The following PIAS2 variants were observed in gnomAD, a reference collection of about 807,000 sequenced individuals.
PIAS2 encodes E3 SUMO-protein ligase PIAS2.
In PIAS2, 19 loss-of-function variants were observed where a neutral mutation model predicts 69.7. The ratio of observed to expected loss-of-function variants is 0.27; its 90% CI spans 0.19 to 0.40. The LOEUF is 0.40. PIAS2 is among the 10% of genes least tolerant of loss of function. The pLI is 1.00. For missense variants in PIAS2, 624 were observed against 757.0 expected (o/e 0.82, Z 2.06); for synonymous variants, 261 against 263.2 (o/e 0.99, Z 0.08).
intron 1 of PIAS2, chr18:46,916,916 G>A: frequency 2.0e-6 from 2 of 985,542 alleles, no homozygotes; most frequent in African/African-American, 1.7e-5. Flanking sequence ...CACCAAGTGA[G>A]TAGCATGCAG....
Position 46,811,883 on chromosome 18 carries a change from A to C in PIAS2, c.*550T>G, listed in dbSNP as rs1277228115. On this transcript the variant is annotated 3_prime_UTR_variant, in exon 14 of 14. Transcript: ENST00000585916. Reference sequence around the variant, plus strand: ...CGAAGAAAAGTGGAAATGCAGGACGAAAAGTGGAATCCAAGCTTTGGCCAC... The same window carrying C: ...CGAAGAAAAGTGGAAATGCAGGACGCAAAGTGGAATCCAAGCTTTGGCCAC... 6.6e-6 allele frequency: 1 copy of C among 152,222 alleles called. No individual in the cohort carries two copies. Among genetic ancestry groups the C allele is most frequent in the African/African-American group, 2.4e-5 (1 of 41,448 alleles). The allele number at this position is 152,222 out of a possible 1,614,324, so 9.4% of individuals were successfully genotyped here.
chr18:46,855,997 G>C (rs797008860), intron 3 of PIAS2, among the ~76,000 whole-genome samples: 2 of 67,964 alleles, frequency 2.9e-5, no homozygotes, highest in African/African-American at 1.2e-4. Flanking sequence ...TTTTTCTTTT[G>C]TTTTTTTTTT....
Position 46,908,838 on chromosome 18 carries a change from G to A in PIAS2, c.24+8484C>T, listed in dbSNP as rs1459848814. Among the ~76,000 whole-genome samples the A allele has an allele frequency of 1.3e-5, 2 of 152,132 alleles. 1 individual carries two copies. ...AGCTTGACCAACATGGTGAAACCCC[G>A]TCTCTATTAAAAATACAAATATTAG... On this transcript the variant is annotated intron_variant, in intron 1 of 13. Transcript: ENST00000585916.
intron 5 of PIAS2, 60 bp downstream of exon 5, chr18:46,855,285 G>T: frequency 9.7e-7 from 1 of 1,030,364 alleles, no homozygotes; most frequent in Non-Finnish European, 1.5e-6. Flanking sequence ...ACTGTTTCTA[G>T]GCCTTGTCAG....
At chr18:46,893,715 G>C (rs1437947404) in intron 1 of PIAS2, among the ~76,000 whole-genome samples, 1 of 152,108 alleles carries the variant, frequency 6.6e-6, no homozygotes, top group Non-Finnish European at 1.5e-5. Context: ...AAAACTTCAA[G>C]CCAGCAATCA....
At chr18:46,911,257 C>A (rs1329725623) in intron 1 of PIAS2, among the ~76,000 whole-genome samples, 1 of 151,252 alleles carries the variant, frequency 6.6e-6, no homozygotes, top group African/African-American at 2.4e-5. Flanking sequence ...GCTTTGTCAC[C>A]CAGCCTGGAG....
intron 7 of PIAS2, 52 bp downstream of exon 7, chr18:46,844,682 C>A: frequency 1.5e-6 from 1 of 655,576 alleles, no homozygotes; most frequent in Non-Finnish European, 2.4e-6. Context: ...ATCTCATATG[C>A]TCAATCTTTT....
At chr18:46,839,682 T>C (rs189402680) in intron 8 of PIAS2, among the ~76,000 whole-genome samples, 2 of 152,004 alleles carry the variant, frequency 1.3e-5, no homozygotes, top group Admixed American at 6.5e-5. Context: ...CCAGCCAACA[T>C]GGTGAAACCC....
At chr18:46,915,666 T>A (rs1351136553) in intron 1 of PIAS2, 1 of 152,110 alleles carries the variant, frequency 6.6e-6, no homozygotes, top group Non-Finnish European at 1.5e-5. Flanking sequence ...CTGGTTGCAC[T>A]CCAATCTGAG....
At chr18:46,814,824 G>T (rs985514557) in intron 13 of PIAS2, among the ~76,000 whole-genome samples, 1 of 152,278 alleles carries the variant, frequency 6.6e-6, no homozygotes, top group African/African-American at 2.4e-5. Flanking sequence ...CTTTGACAGA[G>T]AAAACGGGGA....
intron 2 of PIAS2, among the ~76,000 whole-genome samples, chr18:46,877,736 C>T (rs1006037807): frequency 6.6e-6 from 1 of 152,196 alleles, no homozygotes; most frequent in Non-Finnish European, 1.5e-5. Context: ...AAAACCCCTT[C>T]CCTACTTTGT....
At chr18:46,878,093 A>T (rs1405485120) in intron 2 of PIAS2, among the ~76,000 whole-genome samples, 2 of 152,130 alleles carry the variant, frequency 1.3e-5, no homozygotes, top group East Asian at 3.9e-4. Context: ...AAATTTTTAA[A>T]CTTAACTAGA....
chr18:46,821,171 T>C, intron 11 of PIAS2, 99 bp from the exon 12 acceptor site: 2 of 1,209,348 alleles, frequency 1.7e-6, no homozygotes, highest in East Asian at 2.3e-5. Flanking sequence ...CGTTCACCAG[T>C]TTCAGCACAA....
chr18:46,862,889 T>C (rs1035903572), intron 3 of PIAS2, among the ~76,000 whole-genome samples: 1 of 152,080 alleles, frequency 6.6e-6, no homozygotes, highest in Non-Finnish European at 1.5e-5. Context: ...GTATTTTTAG[T>C]AGAGATGGGT....
At chr18:46,900,134 G>A (rs2146140147) in intron 1 of PIAS2, among the ~76,000 whole-genome samples, 1 of 152,274 alleles carries the variant, frequency 6.6e-6, no homozygotes, top group Admixed American at 6.5e-5. Flanking sequence ...GGAGGCCGAG[G>A]CGGGCAAATC....
chr18:46,838,579 T>A (rs1198840058), intron 8 of PIAS2, among the ~76,000 whole-genome samples: 2 of 152,232 alleles, frequency 1.3e-5, no homozygotes, highest in Non-Finnish European at 2.9e-5. Flanking sequence ...AAGGTCAGAA[T>A]AAAACCTGGG....
rs1026781384 is a variant in PIAS2 at position 46,846,583 on chromosome 18, T to G, written c.861+124A>C. 4 of 964,148 alleles carry G rather than the reference T, an allele frequency of 4.1e-6. No individual in the cohort carries two copies. The African/African-American group carries it at 6.7e-5, about 16-fold the overall frequency. 59.7% of individuals were successfully genotyped at this position (964,148 alleles called of 1,614,324 possible). A position where few individuals can be genotyped will look rare whatever the true frequency, so the allele number is the denominator to read the frequency against. On this transcript the variant is annotated intron_variant, in intron 6 of 13. Transcript: ENST00000585916. ...ACACTGCCACCTCTAAACTGAAAAT[T>G]ACTGCTTTTTAGAGATTACAATCCA...
intron 11 of PIAS2, among the ~76,000 whole-genome samples, chr18:46,822,925 T>C (rs2042337232): frequency 6.6e-6 from 1 of 152,080 alleles, no homozygotes; most frequent in Non-Finnish European, 1.5e-5. Flanking sequence ...TTCATTTAAT[T>C]TAAAAAGTTT....
At position 46,842,594 on chromosome 18, in the gene PIAS2, A is replaced by T. The variant is rs144893416; in HGVS notation, c.1041+1460T>A. 5.1e-3 allele frequency among the ~76,000 whole-genome samples: 777 copies of T among 152,318 alleles called. 3 individuals are homozygous for T. The highest frequency in any genetic ancestry group is 7.8e-3 in the Non-Finnish European group (532 of 68,024). On this transcript the variant is annotated intron_variant, in intron 8 of 13. Coordinates refer to ENST00000585916, the MANE Select transcript of PIAS2 (RefSeq NM_004671.5). ...GGATACATAATAAAAAATCGTCAAT[A>T]TCCAACTGTTTTTTAACCAACAAAA...
Sources: allele counts gnomAD v4.1 joint callset (sites outside exome capture counted in the v4.1 genomes callset), GRCh38; gene constraint gnomAD v4.1.1; transcripts MANE v1.5; gene names NCBI Gene and HGNC (gene_info 2026-07-23, HGNC 2026-07-21).